The following AP2B1 variants were observed in gnomAD, a reference collection of about 807,000 sequenced individuals.
AP2B1 encodes the protein adaptor related protein complex 2 subunit beta 1.
AP2B1 carries 23 observed loss-of-function variants against 102.0 expected under a neutral mutation model. The observed-to-expected ratio is 0.23, with a 90% CI of 0.16 to 0.32. AP2B1 has a LOEUF of 0.32. AP2B1 is among the 10% of genes least tolerant of loss of function. The pLI, the probability that AP2B1 is intolerant of heterozygous loss-of-function variation, is 1.00. For missense variants in AP2B1, 541 were observed against 1,157.4 expected, an observed-to-expected ratio of 0.47 and a Z score of 7.73; for synonymous variants, 381 against 421.2, an observed-to-expected ratio of 0.90 and a Z score of 1.17.
chr17:35,656,772 C>CTA (rs1411907409), intron 13 of AP2B1, among the ~76,000 whole-genome samples: 1 of 151,396 alleles, frequency 6.6e-6, no homozygotes, highest in African/African-American at 2.4e-5. Context: ...GTAGTCCCAA[C>CTA]TACTTGGGAG....
intron 5 of AP2B1, among the ~76,000 whole-genome samples, chr17:35,617,009 A>G (rs1248312113): frequency 1.3e-5 from 2 of 152,234 alleles, no homozygotes; most frequent in Admixed American, 1.3e-4. Flanking sequence ...AAAGCACTTA[A>G]TACTGGTCCT....
At chr17:35,670,976 C>A in intron 15 of AP2B1, 78 bp downstream of exon 15, 2 of 1,444,834 alleles carry the variant, frequency 1.4e-6, no homozygotes, top group Non-Finnish European at 1.9e-6. Flanking sequence ...CATTATCAGA[C>A]CAGCCACTGC....
chr17:35,675,475 A>T (rs985910712), intron 17 of AP2B1, among the ~76,000 whole-genome samples: 1 of 152,254 alleles, frequency 6.6e-6, no homozygotes, highest in Non-Finnish European at 1.5e-5. Flanking sequence ...TGTCAAGACT[A>T]CCAATGTTTC....
chr17:35,671,008 A>G, intron 15 of AP2B1, 110 bp downstream of exon 15: 1 of 1,132,436 alleles, frequency 8.8e-7, no homozygotes, highest in Admixed American at 1.8e-5. Context: ...ACTGCACACC[A>G]AAACCTCTAT....
chr17:35,688,312 T>TA (rs377491466), intron 18 of AP2B1, among the ~76,000 whole-genome samples: 26 of 152,360 alleles, frequency 1.7e-4, no homozygotes, highest in African/African-American at 4.8e-4. Context: ...CATACTAGGT[T>TA]AGGAATCATT....
At chr17:35,594,268 A>C (rs1259969233) in intron 2 of AP2B1, among the ~76,000 whole-genome samples, 1 of 152,200 alleles carries the variant, frequency 6.6e-6, no homozygotes, top group Non-Finnish European at 1.5e-5. Context: ...TGTGATGCAC[A>C]TTATTATGAC....
chr17:35,724,696 T>G lies in AP2B1; in HGVS notation c.*997T>G, dbSNP rs1315087345. ...GCACAAAGGTTACCGCCAAGGCCCG[T>G]CAGCTGTGTAGTGGCAAAGCCGAGA... On this transcript the variant is annotated 3_prime_UTR_variant, in exon 22 of 22. Coordinates refer to ENST00000610402, the MANE Select transcript of AP2B1 (RefSeq NM_001030006.2). 1.3e-5 allele frequency: 2 copies of G among 152,206 alleles called. No homozygotes were observed. Among genetic ancestry groups the G allele is most frequent in the Non-Finnish European group, 2.9e-5 (2 of 68,048 alleles). 9.4% of individuals were successfully genotyped at this position (152,206 alleles called of 1,614,324 possible). A position where few individuals can be genotyped will look rare whatever the true frequency, so the allele number is the denominator to read the frequency against.
intron 18 of AP2B1, among the ~76,000 whole-genome samples, chr17:35,704,585 A>AT (rs2076302762): frequency 6.6e-6 from 1 of 152,204 alleles, no homozygotes. Flanking sequence ...GAAGTAAGCC[A>AT]TTATTATATG....
intron 5 of AP2B1, chr17:35,621,437 TAGGATGGA>T: frequency 1.3e-6 from 1 of 752,772 alleles, no homozygotes; most frequent in Non-Finnish European, 1.6e-6. Context: ...AGTGTAGAGA[TAGGATGGA>T]AGGAACTTCA....
chr17:35,612,878 G>A (rs796890845), intron 5 of AP2B1, among the ~76,000 whole-genome samples: 23 of 79,710 alleles, frequency 2.9e-4, no homozygotes, highest in African/African-American at 1.1e-3. Flanking sequence ...ATGTGTATGT[G>A]CGCACACACA....
chr17:35,680,677 A>ATGGTTT (rs1567971648), intron 17 of AP2B1, among the ~76,000 whole-genome samples: 6 of 130,170 alleles, frequency 4.6e-5, no homozygotes, highest in African/African-American at 1.7e-4. Context: ...TGCCCAGTCT[A>ATGGTTT]TGGTTTTGGT....
At position 35,593,252 on chromosome 17, in the gene AP2B1, G is replaced by A. The variant is rs1031282545; in HGVS notation, c.-23-756G>A. On this transcript the variant is annotated intron_variant, in intron 1 of 21. Transcript: ENST00000610402. ...TTTGATAGCACAAAAGGGTGACTGC[G>A]GTCAACAATAATTTACTGTACATTT... Among the ~76,000 whole-genome samples the A allele has an allele frequency of 2.9e-4, 44 of 151,788 alleles. 1 individual carries two copies. Among genetic ancestry groups the A allele is most frequent in the Non-Finnish European group, 5.9e-4 (40 of 67,990 alleles).
intron 20 of AP2B1, among the ~76,000 whole-genome samples, chr17:35,712,207 T>C (rs1170612236): frequency 6.6e-6 from 1 of 152,180 alleles, no homozygotes; most frequent in Non-Finnish European, 1.5e-5. Flanking sequence ...TGGTGGATCC[T>C]ATTAGAGGAG....
At chr17:35,616,296 C>G (rs113416187) in intron 5 of AP2B1, among the ~76,000 whole-genome samples, 1 of 150,930 alleles carries the variant, frequency 6.6e-6, no homozygotes, top group South Asian at 2.1e-4. Flanking sequence ...TTCTGAGTAG[C>G]TGGGACTACA....
chr17:35,721,085 A>G (rs1348502762), intron 21 of AP2B1, among the ~76,000 whole-genome samples: 1 of 152,152 alleles, frequency 6.6e-6, no homozygotes, highest in Non-Finnish European at 1.5e-5. Flanking sequence ...CTAATGCATG[A>G]CAGACTGATG....
intron 18 of AP2B1, among the ~76,000 whole-genome samples, chr17:35,690,847 G>A (rs2076026403): frequency 6.6e-6 from 1 of 152,192 alleles, no homozygotes; most frequent in Non-Finnish European, 1.5e-5. Context: ...AAACTTAAAT[G>A]TGATTTTTCA....
intron 21 of AP2B1, among the ~76,000 whole-genome samples, chr17:35,721,402 TAGCAGTTGGAAAGTTA>T (rs2085387776): frequency 6.6e-6 from 1 of 152,150 alleles, no homozygotes; most frequent in African/African-American, 2.4e-5. Flanking sequence ...CATAAGGAAT[TAGCAGTTGGAAAGTTA>T]AGCCCCAAGG....
chr17:35,605,621 T>G (rs2073649164), intron 3 of AP2B1, 84 bp from the exon 4 acceptor site: 1 of 894,944 alleles, frequency 1.1e-6, no homozygotes, highest in Non-Finnish European at 1.8e-6. Context: ...AAATCACTGT[T>G]AGTTAAGGCT....
At chr17:35,709,594 G>C (rs587664064) in intron 19 of AP2B1, among the ~76,000 whole-genome samples, 7 of 152,132 alleles carry the variant, frequency 4.6e-5, no homozygotes, top group African/African-American at 1.2e-4. Flanking sequence ...TTGAATCTCA[G>C]CTCTGCTATT....
Sources: gnomAD v4.1 joint callset for allele counts (sites outside exome capture counted in the v4.1 genomes callset) on GRCh38, gnomAD v4.1.1 for gene constraint, MANE v1.5 for transcripts, NCBI Gene and HGNC (gene_info 2026-07-23, HGNC 2026-07-21) for gene names.